ZNF638: variants seen among roughly 807,000 people sequenced by gnomAD.
ZNF638 encodes the protein zinc finger protein 638.
Under a neutral mutation model 195.6 loss-of-function variants are expected in ZNF638, and 46 were observed. That is an observed-to-expected ratio of 0.24 (90% CI 0.19 to 0.30). ZNF638 has a LOEUF of 0.30. ZNF638 is among the 10% of genes least tolerant of loss of function. The probability of loss-of-function intolerance (pLI) is 1.00; values close to 1 mark genes in which losing one functional copy is unlikely to be tolerated. For missense variants in ZNF638, 2,440 were observed against 2,325.3 expected (o/e 1.05, Z -1.01); for synonymous variants, 845 against 772.0 (o/e 1.09, Z -1.57).
At chr2:71,398,802 T>C in intron 12 of ZNF638, 30 bp downstream of exon 12, 1 of 1,531,752 alleles carries the variant, frequency 6.5e-7, no homozygotes, top group Non-Finnish European at 8.9e-7. Flanking sequence ...GAGATTTTAT[T>C]GTTTATTCTT....
intron 3 of ZNF638, among the ~76,000 whole-genome samples, chr2:71,362,883 C>G (rs2079132738): frequency 6.6e-6 from 1 of 152,150 alleles, no homozygotes; most frequent in African/African-American, 2.4e-5. Context: ...AACCCTTAAC[C>G]TAAGCTCGTA....
chr2:71,431,567 G>A, intron 26 of ZNF638, 139 bp downstream of exon 26: 2 of 657,002 alleles, frequency 3.0e-6, no homozygotes, highest in Non-Finnish European at 5.3e-6. Flanking sequence ...AGACCATCCT[G>A]GCTAACACGG....
chr2:71,368,148 A>T (rs2079239088), intron 6 of ZNF638, among the ~76,000 whole-genome samples: 1 of 152,176 alleles, frequency 6.6e-6, no homozygotes, highest in African/African-American at 2.4e-5. Flanking sequence ...TGGGTTAAAA[A>T]ATATAAATAA....
At chr2:71,395,609 G>A in intron 10 of ZNF638, 1 of 568,520 alleles carries the variant, frequency 1.8e-6, no homozygotes, top group Admixed American at 2.2e-5. Context: ...CGGTGGGGGT[G>A]ACAATTACCT....
chr2:71,429,789 T>G (rs1013378208), intron 25 of ZNF638, among the ~76,000 whole-genome samples: 10 of 152,222 alleles, frequency 6.6e-5, no homozygotes, highest in African/African-American at 2.4e-4. Context: ...TCTTCTTAAG[T>G]TAGTCTTACT....
chr2:71,353,850 G>C (rs2078980887), intron 2 of ZNF638, among the ~76,000 whole-genome samples: 1 of 152,202 alleles, frequency 6.6e-6, no homozygotes, highest in Admixed American at 6.5e-5. Flanking sequence ...GCACCAGTGT[G>C]TCTGTTTGAT....
intron 10 of ZNF638, among the ~76,000 whole-genome samples, chr2:71,392,481 CT>C (rs772197656): frequency 3.9e-5 from 6 of 152,190 alleles, no homozygotes; most frequent in Non-Finnish European, 8.8e-5. Flanking sequence ...GTTGCAAAAC[CT>C]TGAGACCGCC....
In ZNF638 at chr2:71,423,191, C is replaced by A; in HGVS notation, c.3677C>A (p.Ser1226Tyr). The A allele has an allele frequency of 6.2e-7, 1 of 1,614,136 alleles. No homozygotes were observed. The highest frequency in any genetic ancestry group is 8.5e-7 in the Non-Finnish European group (1 of 1,180,004). Residue 1226 changes from serine (S) to tyrosine (Y), a missense_variant, in exon 22 of 28, where the codon TCT becomes TAT. Physicochemically the swap from Ser to Tyr is moderately radical, Grantham distance 144. This residue lies in a region of ZNF638 where 1,883 missense variants were observed against 1,739.1 expected (regional missense o/e 1.08). Transcript: ENST00000264447. Reference sequence around the variant, plus strand: ...AACCCTAAAACAGCATTGTTACCATCTGACAGTGTGTTTGCAGAAGAAAGG... The same window carrying A: ...AACCCTAAAACAGCATTGTTACCATATGACAGTGTGTTTGCAGAAGAAAGG... ...IINPKTALLP[S>Y]DSVFAEERNL...
intron 2 of ZNF638, among the ~76,000 whole-genome samples, chr2:71,355,008 G>A (rs752238871): frequency 3.3e-5 from 5 of 151,566 alleles, no homozygotes; most frequent in Non-Finnish European, 7.4e-5. Context: ...TCGCTCTGTC[G>A]CCCAGGCTGG....
chr2:71,431,206 C>A, intron 25 of ZNF638, 121 bp from the exon 26 acceptor site: 1 of 719,952 alleles, frequency 1.4e-6, no homozygotes, highest in Non-Finnish European at 2.3e-6. Context: ...AAAGAATGGC[C>A]AGATGGGATT....
rs148300604 is a variant in ZNF638 at position 71,366,034 on chromosome 2, G to A, written c.1995+328G>A. 5.1e-3 allele frequency among the ~76,000 whole-genome samples: 783 copies of A among 152,254 alleles called. 4 individuals carry two copies. The highest frequency in any genetic ancestry group is 7.9e-3 in the Non-Finnish European group (536 of 68,018). On this transcript the variant is annotated intron_variant, in intron 6 of 27. Transcript: ENST00000264447. ...TAATTCTTTGTTAGTGCAAATATGC[G>A]TACATTTGCTATGACAAACAGAAAA...
At chr2:71,370,104 A>G (rs2079282037) in intron 8 of ZNF638, 99 bp downstream of exon 8, 1 of 1,306,036 alleles carries the variant, frequency 7.7e-7, no homozygotes, top group Non-Finnish European at 1.1e-6. Context: ...ATAGAAACAT[A>G]AATGTTAGCT....
chr2:71,366,710 T>G (rs1573057079), intron 6 of ZNF638, among the ~76,000 whole-genome samples: 2 of 152,224 alleles, frequency 1.3e-5, no homozygotes. Context: ...TCCTGAGAAT[T>G]GATCATTATT....
At chr2:71,369,053 G>C (rs1045118069) in intron 7 of ZNF638, among the ~76,000 whole-genome samples, 9 of 152,134 alleles carry the variant, frequency 5.9e-5, no homozygotes, top group African/African-American at 1.9e-4. Context: ...AGTTAGTTAA[G>C]GCTGGGCGTG....
At chr2:71,340,263 T>C (rs2078741550) in intron 1 of ZNF638, among the ~76,000 whole-genome samples, 1 of 152,230 alleles carries the variant, frequency 6.6e-6, no homozygotes, top group Admixed American at 6.5e-5. Context: ...CATTTTGGCA[T>C]TTTAACGTGA....
chr2:71,369,700 A>G (rs1410009651), intron 7 of ZNF638, among the ~76,000 whole-genome samples, 183 bp from the exon 8 acceptor site: 1 of 152,126 alleles, frequency 6.6e-6, no homozygotes, highest in African/African-American at 2.4e-5. Context: ...TTAAATGTCC[A>G]TTTAATGTGT....
In ZNF638 at chr2:71,431,323, T is replaced by A; in HGVS notation, c.5651-4T>A. 6.2e-7 allele frequency: 1 copy of A among 1,608,118 alleles called. No individual in the cohort carries two copies. Among genetic ancestry groups the A allele is most frequent in the Non-Finnish European group, 8.5e-7 (1 of 1,176,252 alleles). ...AATAGCTTTTTTTCCTCGAAAAATT[T>A]TAGTTGATGAGGAATCTGGATTAAA... On this transcript the variant is annotated splice_region_variant and splice_polypyrimidine_tract_variant and intron_variant, in intron 25 of 27. Coordinates refer to ENST00000264447, the MANE Select transcript of ZNF638 (RefSeq NM_014497.5).
intron 20 of ZNF638, 199 bp downstream of exon 20, chr2:71,408,446 A>T (rs994718309): frequency 1.7e-6 from 1 of 585,758 alleles, no homozygotes; most frequent in Non-Finnish European, 2.8e-6. Context: ...TCAACAATGT[A>T]ACATATATGC....
At chr2:71,428,519 G>A (rs1209523547) in intron 24 of ZNF638, 28 bp from the exon 25 acceptor site, 1 of 1,563,858 alleles carries the variant, frequency 6.4e-7, no homozygotes, top group Non-Finnish European at 8.8e-7. Flanking sequence ...TGTTACTAGA[G>A]CAATAAATTA....
Sources: gnomAD v4.1 joint callset for allele counts (sites outside exome capture counted in the v4.1 genomes callset) on GRCh38, gnomAD v4.1.1 for gene constraint, gnomAD v4.1.1 regional missense constraint, MANE v1.5 for transcripts, NCBI Gene and HGNC (gene_info 2026-07-23, HGNC 2026-07-21) for gene names.